The following RNF2 variants were observed in gnomAD, a reference collection of about 807,000 sequenced individuals.
RNF2 encodes the protein ring finger protein 2, also known as E3 ubiquitin-protein ligase RING2.
Under a neutral mutation model 37.2 loss-of-function variants are expected in RNF2, and 6 were observed. That is an observed-to-expected ratio of 0.16 (90% CI 0.09 to 0.32). The LOEUF (loss-of-function observed/expected upper bound fraction) is 0.32. RNF2 is among the 10% of genes least tolerant of loss of function. The pLI is 1.00. For missense variants in RNF2, 251 were observed against 404.0 expected (o/e 0.62, Z 3.25); for synonymous variants, 133 against 132.7 (o/e 1.00, Z -0.02).
At chr1:185,087,692 A>T in intron 2 of RNF2, 52 bp downstream of exon 2, 1 of 1,304,900 alleles carries the variant, frequency 7.7e-7, no homozygotes. Context: ...AAACTGGGAT[A>T]CATTTTTAGA....
At chr1:185,068,203 G>A (rs1241985497) in intron 1 of RNF2, among the ~76,000 whole-genome samples, 1 of 152,148 alleles carries the variant, frequency 6.6e-6, no homozygotes, top group African/African-American at 2.4e-5. Flanking sequence ...ATGTATGCAG[G>A]ATAAAGACTT....
intron 1 of RNF2, among the ~76,000 whole-genome samples, chr1:185,069,118 T>TA (rs1557964172): frequency 7.4e-4 from 112 of 152,196 alleles, no homozygotes; most frequent in African/African-American, 2.7e-3. Flanking sequence ...TGCCTGTTAA[T>TA]GTGCTATTTA....
chr1:185,081,278 G>A (rs921125662), intron 1 of RNF2, among the ~76,000 whole-genome samples: 1 of 152,178 alleles, frequency 6.6e-6, no homozygotes, highest in African/African-American at 2.4e-5. Context: ...CATCCTGCTA[G>A]TTGTGGAAGT....
Position 185,086,864 on chromosome 1 carries a change from G to A in RNF2, c.-2-688G>A, listed in dbSNP as rs1039966935. Among the ~76,000 whole-genome samples, 55 of 152,142 alleles carry A rather than the reference G, an allele frequency of 3.6e-4. 1 individual carries two copies. Among genetic ancestry groups the A allele is most frequent in the Admixed American group, 3.6e-3 (55 of 15,256 alleles). On this transcript the variant is annotated intron_variant, in intron 1 of 6. Transcript: ENST00000367510. ...AAGAATCTGAAGTTTTCCTGATTTA[G>A]TTCTAAGTTCCATGACCATGAATTT... is the stretch of plus-strand genomic sequence containing the variant.
rs1274250223 is a variant in RNF2 at position 185,101,613 on chromosome 1, T to C, written c.*1312T>C. On this transcript the variant is annotated 3_prime_UTR_variant, in exon 7 of 7. Coordinates refer to ENST00000367510, the MANE Select transcript of RNF2 (RefSeq NM_007212.4). ...ATCACAGTATTTAAAAAGACATGTT[T>C]GCATTGAGAAATTAACCCTAAAGGG... 1 of 152,442 alleles carries C rather than the reference T, an allele frequency of 6.6e-6. No individual in the cohort carries two copies. Among genetic ancestry groups the C allele is most frequent in the African/African-American group, 2.4e-5 (1 of 41,436 alleles). 9.4% of individuals were successfully genotyped at this position (152,442 alleles called of 1,614,324 possible).
intron 1 of RNF2, among the ~76,000 whole-genome samples, chr1:185,081,707 G>A (rs1023870144): frequency 2.0e-5 from 3 of 152,070 alleles, no homozygotes; most frequent in African/African-American, 7.2e-5. Context: ...ACCGTGCCTG[G>A]CCTCTGTCAA....
chr1:185,079,930 GAAAA>G (rs372875470), intron 1 of RNF2, among the ~76,000 whole-genome samples: 1 of 142,148 alleles, frequency 7.0e-6, no homozygotes, highest in Non-Finnish European at 1.5e-5. Flanking sequence ...GACTGTCTCA[GAAAA>G]AAAAAAAAGC....
chr1:185,073,905 C>T (rs917295648), intron 1 of RNF2, among the ~76,000 whole-genome samples: 5 of 152,128 alleles, frequency 3.3e-5, no homozygotes, highest in African/African-American at 1.2e-4. Context: ...GAGTGAGTGC[C>T]AGACCCCACA....
At chr1:185,092,786 T>A (rs113867351) in intron 3 of RNF2, among the ~76,000 whole-genome samples, 1 of 151,994 alleles carries the variant, frequency 6.6e-6, no homozygotes, top group South Asian at 2.1e-4. Context: ...TTAGAAAAAA[T>A]AGATTTTTAT....
intron 1 of RNF2, among the ~76,000 whole-genome samples, chr1:185,070,943 C>T (rs1241201704): frequency 6.6e-6 from 1 of 152,110 alleles, no homozygotes; most frequent in African/African-American, 2.4e-5. Context: ...GGCCAGACTG[C>T]AGTATTTTTA....
chr1:185,099,650 A>T (rs934545885), intron 5 of RNF2, 141 bp from the exon 6 acceptor site: 2 of 700,236 alleles, frequency 2.9e-6, no homozygotes, highest in Non-Finnish European at 4.8e-6. Flanking sequence ...TAGAGCAGTA[A>T]ATTTCTGATA....
At chr1:185,075,886 T>C (rs1416952708) in intron 1 of RNF2, among the ~76,000 whole-genome samples, 1 of 152,352 alleles carries the variant, frequency 6.6e-6, no homozygotes, top group Admixed American at 6.5e-5. Context: ...TCTTTGTCAA[T>C]ATCACAGACA....
rs936146220 is a variant in RNF2, at chr1:185,100,876, G to A, written c.*575G>A. ...CTCATTTTAAAAAGAAGTTCTTTATGAACTTAGTGTCCATTGTCATGCAAT... is the reference window on the plus strand; with the variant it reads ...CTCATTTTAAAAAGAAGTTCTTTATAAACTTAGTGTCCATTGTCATGCAAT... On this transcript the variant is annotated 3_prime_UTR_variant, in exon 7 of 7. Transcript: ENST00000367510. The A allele has an allele frequency of 6.6e-6, 1 of 151,058 alleles. No homozygotes were observed. The highest frequency in any genetic ancestry group is 2.4e-5 in the African/African-American group (1 of 41,096). 9.4% of individuals were successfully genotyped at this position (151,058 alleles called of 1,614,324 possible).
chr1:185,060,816 C>T (rs2102160570), intron 1 of RNF2, among the ~76,000 whole-genome samples: 1 of 152,208 alleles, frequency 6.6e-6, no homozygotes, highest in East Asian at 1.9e-4. Flanking sequence ...GAGGGACAGA[C>T]AGTTAAGAAT....
chr1:185,084,009 G>A (rs146314617), intron 1 of RNF2, among the ~76,000 whole-genome samples: 2 of 149,620 alleles, frequency 1.3e-5, no homozygotes, highest in Non-Finnish European at 3.0e-5. Flanking sequence ...TGGCACAGTC[G>A]TACCTCACTG....
At chr1:185,054,609 C>T (rs1158014740) in intron 1 of RNF2, among the ~76,000 whole-genome samples, 2 of 152,178 alleles carry the variant, frequency 1.3e-5, no homozygotes, top group African/African-American at 4.8e-5. Context: ...CCTCTAGAGG[C>T]GGGGCCTGAA....
At chr1:185,075,963 C>T (rs553025202) in intron 1 of RNF2, among the ~76,000 whole-genome samples, 7 of 152,208 alleles carry the variant, frequency 4.6e-5, no homozygotes, top group African/African-American at 1.4e-4. Context: ...TGAAGTTTAG[C>T]ACAGTTTAAT....
At chr1:185,098,426 G>A in intron 5 of RNF2, 82 bp downstream of exon 5, 3 of 1,478,648 alleles carry the variant, frequency 2.0e-6, no homozygotes, top group Non-Finnish European at 2.8e-6. Flanking sequence ...ATAAGAAGTA[G>A]GAGCAATATT....
Position 185,087,585 on chromosome 1 carries a change from A to C in RNF2, c.32A>C (p.Gln11Pro), listed in dbSNP as rs1651640419. ...CAGGCTGTGCAGACAAACGGAACTC[A>C]ACCATTAAGCAAAACATGGGAACTC... MSQAVQTNGT[Q>P]PLSKTWELSL... is the part of the protein sequence containing the mutation. Residue 11 changes from glutamine (Q) to proline (P), a missense_variant, in exon 2 of 7, where the codon CAA (glutamine) becomes CCA (proline). By Grantham distance (76) the Gln-to-Pro change is moderately conservative. Transcript: ENST00000367510. 1 of 1,614,108 alleles carries C rather than the reference A, an allele frequency of 6.2e-7. No homozygotes were observed. The highest frequency in any genetic ancestry group is 1.7e-5 in the Admixed American group (1 of 60,008).
Sources: allele counts gnomAD v4.1 joint callset (sites outside exome capture counted in the v4.1 genomes callset), GRCh38; gene constraint gnomAD v4.1.1; transcripts MANE v1.5; gene names NCBI Gene and HGNC (gene_info 2026-07-23, HGNC 2026-07-21).